WDPCP: variants seen among roughly 807,000 people sequenced by gnomAD.
The protein encoded by WDPCP is WD repeat containing planar cell polarity effector.
In WDPCP, 71 loss-of-function variants were observed where a neutral mutation model predicts 93.1. The ratio of observed to expected loss-of-function variants is 0.76; its 90% CI spans 0.63 to 0.93. WDPCP has a LOEUF of 0.93. Ranked by LOEUF, WDPCP falls within the 40% of genes least tolerant of loss-of-function variation. WDPCP has a pLI of 0.00. For synonymous variants in WDPCP, 315 were observed against 315.0 expected (o/e 1.00, Z 0.00); for missense variants, 844 against 887.4 (o/e 0.95, Z 0.62).
At chr2:63,569,001 G>A (rs1299615057) in intron 1 of WDPCP, among the ~76,000 whole-genome samples, 1 of 152,208 alleles carries the variant, frequency 6.6e-6, no homozygotes, top group African/African-American at 2.4e-5. Flanking sequence ...GGGGAGGAAA[G>A]TCTTTGAAGA....
intron 6 of WDPCP, among the ~76,000 whole-genome samples, chr2:63,476,778 T>C (rs1222614805): frequency 2.0e-5 from 3 of 152,140 alleles, no homozygotes; most frequent in Non-Finnish European, 2.9e-5. Flanking sequence ...GAAAAGCAAA[T>C]TGAGTTTCGC....
chr2:63,424,061 C>A (rs1477160560), intron 9 of WDPCP, among the ~76,000 whole-genome samples: 2 of 152,128 alleles, frequency 1.3e-5, no homozygotes. Context: ...TGGCCCTGAA[C>A]AGCTCCTAAG....
At chr2:63,269,866 C>T (rs888115885) in intron 13 of WDPCP, among the ~76,000 whole-genome samples, 2 of 152,186 alleles carry the variant, frequency 1.3e-5, no homozygotes, top group African/African-American at 4.8e-5. Flanking sequence ...GCCTTCAACA[C>T]ATTCAAATTC....
At chr2:63,760,652 C>T (rs993272227) in intron 2 of WDPCP, among the ~76,000 whole-genome samples, 4 of 152,136 alleles carry the variant, frequency 2.6e-5, no homozygotes, top group Non-Finnish European at 5.9e-5. Context: ...CAACATCTTT[C>T]CTTCTTACCT....
At chr2:63,616,545 TA>T (rs1392681722) in intron 3 of WDPCP, among the ~76,000 whole-genome samples, 2 of 152,164 alleles carry the variant, frequency 1.3e-5, no homozygotes. Flanking sequence ...CTCTATAGCA[TA>T]AAATAAGAAA....
At chr2:63,432,055 A>G (rs1371556014) in intron 9 of WDPCP, among the ~76,000 whole-genome samples, 3 of 152,298 alleles carry the variant, frequency 2.0e-5, no homozygotes, top group Non-Finnish European at 4.4e-5. Flanking sequence ...TACCCTCCTT[A>G]AAAGACGTCA....
chr2:63,458,564 T>A lies in WDPCP; in HGVS notation c.385-18693A>T, dbSNP rs548463861. Among the ~76,000 whole-genome samples, 3 of 152,102 alleles carry A rather than the reference T, an allele frequency of 2.0e-5. No homozygotes were observed. In the South Asian group the frequency reaches 6.2e-4, roughly 32 times the overall value. On this transcript the variant is annotated intron_variant, in intron 6 of 17. Coordinates refer to ENST00000272321, the MANE Select transcript of WDPCP (RefSeq NM_015910.7). ...TGAAAGATCTCTACAAGAAAAACTG[T>A]AAAACACTGACGAAAGAAACTGAAG...
At chr2:63,502,005 T>C (rs1458954744) in intron 1 of WDPCP, among the ~76,000 whole-genome samples, 1 of 152,224 alleles carries the variant, frequency 6.6e-6, no homozygotes, top group Non-Finnish European at 1.5e-5. Flanking sequence ...AAGTATTTGA[T>C]GTAAAAATTA....
chr2:63,482,961 T>A (rs987805592), intron 6 of WDPCP, among the ~76,000 whole-genome samples: 3 of 151,990 alleles, frequency 2.0e-5, no homozygotes, highest in Non-Finnish European at 4.4e-5. Context: ...TATTTTATCA[T>A]GAAAATTCCC....
chr2:63,601,801 G>A (rs1709423294), intron 3 of WDPCP, among the ~76,000 whole-genome samples: 1 of 152,226 alleles, frequency 6.6e-6, no homozygotes, highest in Middle Eastern at 3.4e-3. Flanking sequence ...AGACATTCAG[G>A]GAAGTTATAG....
chr2:63,447,041 AAC>A (rs1697911944), intron 6 of WDPCP, among the ~76,000 whole-genome samples: 1 of 152,250 alleles, frequency 6.6e-6, no homozygotes, highest in Non-Finnish European at 1.5e-5. Context: ...AAATGGAGAT[AAC>A]ATAAAAGATA....
chr2:63,607,362 CCCCATCT>C (rs1709553446), intron 3 of WDPCP, among the ~76,000 whole-genome samples: 1 of 152,014 alleles, frequency 6.6e-6, no homozygotes, highest in South Asian at 2.1e-4. Context: ...AATAGTGACA[CCCCATCT>C]CTACTAAAAA....
At chr2:63,658,684 A>T (rs1455673264) in intron 2 of WDPCP, among the ~76,000 whole-genome samples, 1 of 152,226 alleles carries the variant, frequency 6.6e-6, no homozygotes, top group East Asian at 1.9e-4. Flanking sequence ...CTCAAATAAC[A>T]ATAGTTTGCA....
chr2:63,231,412 A>T (rs1206357920), intron 14 of WDPCP, among the ~76,000 whole-genome samples: 1 of 152,210 alleles, frequency 6.6e-6, no homozygotes, highest in African/African-American at 2.4e-5. Flanking sequence ...AGATGACATG[A>T]TTATATATTT....
At chr2:63,518,210 A>G (rs978670706) in intron 1 of WDPCP, 9 of 152,380 alleles carry the variant, frequency 5.9e-5, no homozygotes, top group South Asian at 2.1e-4. Flanking sequence ...TTAAAAAATT[A>G]TATTTTTAAT....
Position 63,404,077 on chromosome 2 carries a change from C to A in WDPCP, c.1406G>T (p.Gly469Val), listed in dbSNP as rs1375712939. 1.2e-6 allele frequency: 2 copies of A among 1,614,074 alleles called. No individual in the cohort carries two copies. The highest frequency in any genetic ancestry group is 1.7e-6 in the Non-Finnish European group (2 of 1,179,992). Residue 469 changes from glycine to valine, a missense_variant, in exon 10 of 18, where the codon GGA becomes GTA. Physicochemically the swap from Gly to Val is moderately radical, Grantham distance 109. Coordinates refer to ENST00000272321, the MANE Select transcript of WDPCP (RefSeq NM_015910.7). ...TTTAAACAACAGCACACCCAAAGGT[C>A]CTCTTTCAAACCTGAGGAAGAGGAG... is the stretch of plus-strand genomic sequence containing the variant. Reference protein sequence around the residue: ...YDLLFLRFERGPLGVLLFKLG... With the variant: ...YDLLFLRFERVPLGVLLFKLG...
At chr2:63,629,092 T>C (rs1709839840) in intron 3 of WDPCP, among the ~76,000 whole-genome samples, 1 of 152,194 alleles carries the variant, frequency 6.6e-6, no homozygotes, top group Non-Finnish European at 1.5e-5. Context: ...GCTTTATTTT[T>C]ACCTTGTATA....
At chr2:63,726,857 T>C (rs911643255) in intron 2 of WDPCP, among the ~76,000 whole-genome samples, 1 of 152,212 alleles carries the variant, frequency 6.6e-6, no homozygotes, top group African/African-American at 2.4e-5. Context: ...TTGAATGTTA[T>C]TGATGCACAG....
At chr2:63,218,202 C>G (rs1488028915) in intron 14 of WDPCP, among the ~76,000 whole-genome samples, 1 of 152,098 alleles carries the variant, frequency 6.6e-6, no homozygotes, top group African/African-American at 2.4e-5. Context: ...AGTAAAGTTT[C>G]TGGTCAGTGA....
Sources: allele counts gnomAD v4.1 joint callset (sites outside exome capture counted in the v4.1 genomes callset), GRCh38; gene constraint gnomAD v4.1.1; transcripts MANE v1.5; gene names NCBI Gene and HGNC (gene_info 2026-07-23, HGNC 2026-07-21).